The following RMST variants were observed in gnomAD, a reference collection of about 807,000 sequenced individuals.
RMST encodes rhabdomyosarcoma 2 associated transcript.
chr12:97,533,811 C>T (rs887146510), intron 11 of RMST: 3 of 151,816 alleles, frequency 2.0e-5, no homozygotes, highest in Non-Finnish European at 4.4e-5. Context: ...CACTCTGAAT[C>T]TGTCAAGGTA....
In RMST at chr12:97,495,335, T is replaced by C. The variant is rs1421402864; in HGVS notation, n.1214+454T>C. 2.0e-5 allele frequency among the ~76,000 whole-genome samples: 3 copies of C among 152,040 alleles called. No individual in the cohort carries two copies. In the South Asian group the frequency reaches 6.2e-4, roughly 31 times the overall value. ...GAGGACATGAGGATTGTGAGATAAG[T>C]GGCGATTGTGTCTACTATTGTAATA... On this transcript the variant is annotated intron_variant and non_coding_transcript_variant, in intron 9 of 13. Transcript: ENST00000640149.
chr12:97,506,688 T>G (rs978787559), intron 10 of RMST, among the ~76,000 whole-genome samples: 4 of 145,082 alleles, frequency 2.8e-5, no homozygotes, highest in Non-Finnish European at 6.0e-5. Flanking sequence ...TTTTTTTTTT[T>G]TTTTTTTTTT....
chr12:97,489,471 G>A (rs1216361833), intron 5 of RMST, among the ~76,000 whole-genome samples: 1 of 151,708 alleles, frequency 6.6e-6, no homozygotes, highest in Non-Finnish European at 1.5e-5. Context: ...AAAAAAAAAG[G>A]CTACTTTTAG....
intron 11 of RMST, among the ~76,000 whole-genome samples, chr12:97,557,689 G>A (rs547685135): frequency 1.3e-5 from 2 of 152,294 alleles, no homozygotes; most frequent in African/African-American, 4.8e-5. Flanking sequence ...ACAGTGAAGT[G>A]ATGCTGGGGG....
At chr12:97,498,238 G>A (rs1877678023) in intron 10 of RMST, among the ~76,000 whole-genome samples, 1 of 152,232 alleles carries the variant, frequency 6.6e-6, no homozygotes, top group South Asian at 2.1e-4. Flanking sequence ...CTTGCTACGG[G>A]GATCTAGAAT....
At chr12:97,509,996 A>G (rs1333402013) in intron 10 of RMST, among the ~76,000 whole-genome samples, 1 of 152,232 alleles carries the variant, frequency 6.6e-6, no homozygotes, top group Non-Finnish European at 1.5e-5. Flanking sequence ...TCAATGGTCT[A>G]GCACAATGTT....
chr12:97,502,183 T>C (rs141832232), intron 10 of RMST, among the ~76,000 whole-genome samples: 1 of 152,298 alleles, frequency 6.6e-6, no homozygotes, highest in Admixed American at 6.5e-5. Context: ...TCTTGGCCAT[T>C]AAATTGGTGA....
chr12:97,550,874 G>A (rs1177778178), intron 11 of RMST, among the ~76,000 whole-genome samples: 1 of 152,090 alleles, frequency 6.6e-6, no homozygotes, highest in African/African-American at 2.4e-5. Context: ...TAATGTCATT[G>A]ATCCATTCAT....
chr12:97,463,282 A>T (rs35694712), exon 4 of RMST: 1 of 151,894 alleles, frequency 6.6e-6, no homozygotes, highest in African/African-American at 2.4e-5. Context: ...CCTTCGGACA[A>T]GTTTTAGGTA....
intron 10 of RMST, among the ~76,000 whole-genome samples, chr12:97,504,898 G>T (rs533937735): frequency 6.6e-6 from 1 of 151,950 alleles, no homozygotes; most frequent in African/African-American, 2.4e-5. Flanking sequence ...ATGACTCTTG[G>T]ACTTTCTCTC....
At chr12:97,559,894 A>G (rs1883999301) in intron 11 of RMST, among the ~76,000 whole-genome samples, 1 of 152,234 alleles carries the variant, frequency 6.6e-6, no homozygotes, top group Admixed American at 6.5e-5. Context: ...TTCTAGGTGA[A>G]CAAATATAAT....
intron 11 of RMST, among the ~76,000 whole-genome samples, chr12:97,556,259 G>A (rs995924508): frequency 6.6e-6 from 1 of 151,946 alleles, no homozygotes; most frequent in Non-Finnish European, 1.5e-5. Context: ...ATATTAAAGC[G>A]GCAAAAATAC....
intron 11 of RMST, among the ~76,000 whole-genome samples, chr12:97,541,845 T>C (rs1214724478): frequency 6.6e-6 from 1 of 151,874 alleles, no homozygotes; most frequent in Non-Finnish European, 1.5e-5. Context: ...TTAACAATTA[T>C]CTTAAAAATA....
intron 13 of RMST, among the ~76,000 whole-genome samples, chr12:97,562,499 G>T (rs760741917): frequency 6.6e-6 from 1 of 152,126 alleles, no homozygotes; most frequent in Non-Finnish European, 1.5e-5. Flanking sequence ...TGAGCCAGCT[G>T]GGGGAGGAGG....
chr12:97,556,365 T>G (rs1206778094), intron 11 of RMST, among the ~76,000 whole-genome samples: 1 of 152,152 alleles, frequency 6.6e-6, no homozygotes, highest in Non-Finnish European at 1.5e-5. Flanking sequence ...GTCAGCCAAG[T>G]GTGACGTGTT....
At chr12:97,507,075 G>C (rs1878768233) in intron 10 of RMST, among the ~76,000 whole-genome samples, 1 of 152,130 alleles carries the variant, frequency 6.6e-6, no homozygotes, top group Admixed American at 6.5e-5. Flanking sequence ...GAGTGTACAT[G>C]TATGTGAGGA....
intron 10 of RMST, among the ~76,000 whole-genome samples, chr12:97,498,682 G>A (rs1877737706): frequency 6.6e-6 from 1 of 152,100 alleles, no homozygotes; most frequent in African/African-American, 2.4e-5. Flanking sequence ...CAGAAACTAG[G>A]AAAATCGTGA....
chr12:97,540,040 T>C (rs1882378661), intron 11 of RMST, among the ~76,000 whole-genome samples: 1 of 151,682 alleles, frequency 6.6e-6, no homozygotes, highest in Admixed American at 6.6e-5. Flanking sequence ...CCTCTAAGTA[T>C]TGCTAATGTA....
At chr12:97,538,634 A>T (rs1212875422) in intron 11 of RMST, among the ~76,000 whole-genome samples, 1 of 151,462 alleles carries the variant, frequency 6.6e-6, no homozygotes, top group Non-Finnish European at 1.5e-5. Context: ...GATCCCTATT[A>T]GATATTTTAA....
Sources: gnomAD v4.1 joint callset for allele counts (sites outside exome capture counted in the v4.1 genomes callset) on GRCh38, gnomAD v4.1.1 for gene constraint, MANE v1.5 for transcripts, NCBI Gene and HGNC (gene_info 2026-07-23, HGNC 2026-07-21) for gene names.